Variants in ATP13A4 observed in about 807,000 individuals in gnomAD.
ATP13A4 encodes the protein ATPase 13A4, also known as probable cation-transporting ATPase 13A4.
Under a neutral mutation model 142.5 loss-of-function variants are expected in ATP13A4, and 114 were observed. The ratio of observed to expected loss-of-function variants is 0.80; its 90% CI spans 0.69 to 0.93. The LOEUF (loss-of-function observed/expected upper bound fraction) is 0.93, where lower values mean the gene tolerates loss of function less well. Among genes scored for constraint, ATP13A4 ranks in the 40% least tolerant of loss-of-function variants. ATP13A4 has a pLI of 0.00. For synonymous variants in ATP13A4, 488 were observed against 514.8 expected (o/e 0.95, Z 0.70); for missense variants, 1,392 against 1,454.0 (o/e 0.96, Z 0.69).
At chr3:193,419,725 G>A (rs1471911575) in intron 25 of ATP13A4, among the ~76,000 whole-genome samples, 1 of 150,152 alleles carries the variant, frequency 6.7e-6, no homozygotes. Flanking sequence ...TCCCCCAACA[G>A]GAAAAATAGC....
chr3:193,512,864 A>C (rs1002138248), intron 2 of ATP13A4, among the ~76,000 whole-genome samples: 5 of 152,282 alleles, frequency 3.3e-5, no homozygotes, highest in African/African-American at 1.2e-4. Context: ...CAAATGAAGA[A>C]GTCTTATGTG....
chr3:193,575,389 CT>C (rs757070345), intron 2 of ATP13A4, among the ~76,000 whole-genome samples: 1 of 152,028 alleles, frequency 6.6e-6, no homozygotes, highest in Non-Finnish European at 1.5e-5. Flanking sequence ...AGGTGAGACC[CT>C]AGGGGATGAG....
chr3:193,530,352 TAGGTAC>T (rs775640177), intron 1 of ATP13A4, among the ~76,000 whole-genome samples: 13 of 152,340 alleles, frequency 8.5e-5, no homozygotes, highest in South Asian at 2.1e-4. Context: ...CAGTCAGAAC[TAGGTAC>T]AGGTTCAAAA....
intron 1 of ATP13A4, among the ~76,000 whole-genome samples, chr3:193,588,890 A>G (rs1187398544): frequency 2.0e-5 from 3 of 152,142 alleles, no homozygotes; most frequent in African/African-American, 7.2e-5. Context: ...CTGTAATCCT[A>G]GCACTTTGGA....
At chr3:193,516,732 T>C (rs1721436254) in intron 1 of ATP13A4, among the ~76,000 whole-genome samples, 1 of 152,194 alleles carries the variant, frequency 6.6e-6, no homozygotes, top group Non-Finnish European at 1.5e-5. Context: ...CCCCATGTAA[T>C]ATGCCTGAGT....
At chr3:193,508,721 G>A (rs558574677) in intron 2 of ATP13A4, among the ~76,000 whole-genome samples, 22 of 152,248 alleles carry the variant, frequency 1.4e-4, no homozygotes, top group Non-Finnish European at 2.8e-4. Context: ...GGAGTGGGTA[G>A]GAAAGCAGGA....
chr3:193,534,808 T>C (rs1722507635), intron 1 of ATP13A4, among the ~76,000 whole-genome samples: 1 of 151,912 alleles, frequency 6.6e-6, no homozygotes, highest in Non-Finnish European at 1.5e-5. Flanking sequence ...CTAAAAAACT[T>C]AAAGAAATAA....
chr3:193,554,104 A>G (rs1723751489), intron 1 of ATP13A4, among the ~76,000 whole-genome samples: 1 of 152,260 alleles, frequency 6.6e-6, no homozygotes, highest in Non-Finnish European at 1.5e-5. Flanking sequence ...ATTTTCCTAT[A>G]GTTCTCAAGA....
chr3:193,413,694 C>T (rs1359235426), intron 26 of ATP13A4, among the ~76,000 whole-genome samples: 4 of 152,158 alleles, frequency 2.6e-5, no homozygotes, highest in Admixed American at 1.3e-4. Flanking sequence ...GCAGTACCCT[C>T]AGGCTTATTA....
intron 2 of ATP13A4, among the ~76,000 whole-genome samples, chr3:193,567,745 G>T (rs1433337943): frequency 3.3e-5 from 5 of 152,030 alleles, no homozygotes; most frequent in Non-Finnish European, 7.4e-5. Context: ...TCTTCTTCCA[G>T]GATTTTTTAT....
At chr3:193,481,222 A>G (rs182176077) in intron 8 of ATP13A4, among the ~76,000 whole-genome samples, 298 of 152,322 alleles carry the variant, frequency 2.0e-3, no homozygotes, top group African/African-American at 6.7e-3. Context: ...AATCACCACG[A>G]AAGAACTTAT....
chr3:193,514,555 AAG>A lies in ATP13A4; in HGVS notation c.234+141_234+142del, dbSNP rs377023360. On this transcript the variant is annotated intron_variant, in intron 2 of 29. Coordinates refer to ENST00000342695, the MANE Select transcript of ATP13A4 (RefSeq NM_032279.4). ...AAATTAGTGAAATCCTGCTAGATGC[AAG>A]GCTGTGATGAAACCTAAGGAACCAA... The A allele has an allele frequency of 5.7e-4, 612 of 1,067,824 alleles. 2 individuals are homozygous for A. The African/African-American group carries it at 8.7e-3, about 15-fold the overall frequency. The allele number at this position is 1,067,824 out of a possible 1,614,324, so 66.1% of individuals were successfully genotyped here. A position where few individuals can be genotyped will look rare whatever the true frequency, so the allele number is the denominator to read the frequency against.
intron 7 of ATP13A4, among the ~76,000 whole-genome samples, chr3:193,486,445 G>T (rs1453807027): frequency 3.3e-5 from 5 of 152,148 alleles, no homozygotes; most frequent in Admixed American, 6.6e-5. Context: ...GATGCCAGGG[G>T]ATATTTAGGA....
At chr3:193,501,234 A>G (rs1401520842) in intron 3 of ATP13A4, among the ~76,000 whole-genome samples, 1 of 152,222 alleles carries the variant, frequency 6.6e-6, no homozygotes, top group Non-Finnish European at 1.5e-5. Context: ...CTAACAGATT[A>G]GGGAAACTAT....
intron 8 of ATP13A4, among the ~76,000 whole-genome samples, chr3:193,479,494 G>A (rs1383226515): frequency 6.6e-6 from 1 of 151,992 alleles, no homozygotes; most frequent in Non-Finnish European, 1.5e-5. Flanking sequence ...TGAGAAAAAA[G>A]TCAAGAACGC....
At chr3:193,440,670 C>A (rs1267342336) in intron 20 of ATP13A4, 33 bp from the exon 21 acceptor site, 1 of 1,604,716 alleles carries the variant, frequency 6.2e-7, no homozygotes, top group Non-Finnish European at 8.5e-7. Flanking sequence ...ATTTTTTTAT[C>A]AAGTCATCTG....
At chr3:193,422,003 GAA>G (rs1274841186) in intron 25 of ATP13A4, among the ~76,000 whole-genome samples, 2 of 149,632 alleles carry the variant, frequency 1.3e-5, no homozygotes, top group Non-Finnish European at 1.5e-5. Context: ...TAGAGTAGCT[GAA>G]TAGATTTTAA....
intron 3 of ATP13A4, 148 bp from the exon 4 acceptor site, chr3:193,493,308 T>G: frequency 1.4e-6 from 1 of 720,790 alleles, no homozygotes; most frequent in Non-Finnish European, 2.3e-6. Context: ...ATTTACCCTT[T>G]GCTTTTCTAC....
intron 1 of ATP13A4, among the ~76,000 whole-genome samples, chr3:193,521,140 A>G (rs1721692984): frequency 6.6e-6 from 1 of 152,218 alleles, no homozygotes; most frequent in African/African-American, 2.4e-5. Flanking sequence ...TACTATGTCT[A>G]AGACAATGGG....
Sources: allele counts gnomAD v4.1 joint callset (sites outside exome capture counted in the v4.1 genomes callset), GRCh38; gene constraint gnomAD v4.1.1; transcripts MANE v1.5; gene names NCBI Gene and HGNC (gene_info 2026-07-23, HGNC 2026-07-21).